LRP12: variants seen among roughly 807,000 people sequenced by gnomAD.
LRP12 encodes LDL receptor related protein 12.
A neutral mutation model predicts 66.0 loss-of-function variants in LRP12; 14 were observed. The observed-to-expected ratio is 0.21, with a 90% CI of 0.14 to 0.33. LRP12 has a LOEUF of 0.33. Among genes scored for constraint, LRP12 ranks in the 10% least tolerant of loss-of-function variants. The pLI, the probability that LRP12 is intolerant of heterozygous loss-of-function variation, is 1.00. For synonymous variants in LRP12, 357 were observed against 359.1 expected (o/e 0.99, Z 0.07); for missense variants, 889 against 1,053.4 (o/e 0.84, Z 2.16).
chr8:104,522,822 A>G (rs1811172147), intron 2 of LRP12, among the ~76,000 whole-genome samples: 1 of 152,138 alleles, frequency 6.6e-6, no homozygotes, highest in African/African-American at 2.4e-5. Flanking sequence ...ACTCCAGGCC[A>G]TGAATCAAGA....
intron 1 of LRP12, among the ~76,000 whole-genome samples, chr8:104,560,198 T>C (rs556616840): frequency 6.6e-6 from 1 of 152,234 alleles, no homozygotes; most frequent in African/African-American, 2.4e-5. Context: ...GAGTAACTGA[T>C]ATTCCCCCTT....
rs1185648348 is a variant in LRP12, at chr8:104,500,517, C to A, written c.273-998G>T. On this transcript the variant is annotated intron_variant, in intron 3 of 6. Coordinates refer to ENST00000276654, the MANE Select transcript of LRP12 (RefSeq NM_013437.5). ...AGTCAGGAGTTTGAGACCAGCCTGG[C>A]CATGATGAAACCCCGTCTCTACTAA... Among the ~76,000 whole-genome samples the A allele has an allele frequency of 2.0e-5, 3 of 152,024 alleles. No individual in the cohort carries two copies. The East Asian group carries it at 5.8e-4, about 29-fold the overall frequency.
At chr8:104,528,129 A>G (rs2140859674) in intron 2 of LRP12, among the ~76,000 whole-genome samples, 1 of 152,328 alleles carries the variant, frequency 6.6e-6, no homozygotes, top group East Asian at 1.9e-4. Flanking sequence ...AAATTACCTG[A>G]TAACACTAGG....
chr8:104,573,746 A>C (rs947927318), intron 1 of LRP12, among the ~76,000 whole-genome samples: 9 of 151,878 alleles, frequency 5.9e-5, no homozygotes, highest in Non-Finnish European at 1.5e-5. Flanking sequence ...CACTGAACTC[A>C]ACAAAAAAAA....
chr8:104,543,479 G>C (rs559372387), intron 1 of LRP12, among the ~76,000 whole-genome samples: 2 of 152,258 alleles, frequency 1.3e-5, no homozygotes, highest in Admixed American at 1.3e-4. Context: ...TGTTCTGATT[G>C]TTCCATCAAC....
chr8:104,533,219 GCA>G (rs981228797), intron 1 of LRP12, among the ~76,000 whole-genome samples: 4 of 151,938 alleles, frequency 2.6e-5, no homozygotes, highest in African/African-American at 9.7e-5. Flanking sequence ...GCCAAAAAAG[GCA>G]CAATTTCTTT....
At chr8:104,581,970 C>A (rs1440930185) in intron 1 of LRP12, among the ~76,000 whole-genome samples, 3 of 152,088 alleles carry the variant, frequency 2.0e-5, no homozygotes, top group Admixed American at 6.5e-5. Flanking sequence ...CAAAATATAT[C>A]AGATACAAAG....
intron 1 of LRP12, among the ~76,000 whole-genome samples, chr8:104,554,819 GTCATCAGGTTA>G (rs1811780744): frequency 6.6e-6 from 1 of 152,116 alleles, no homozygotes; most frequent in Non-Finnish European, 1.5e-5. Flanking sequence ...TAGGCACACA[GTCATCAGGTTA>G]TCTAAAGTCA....
chr8:104,520,501 T>C (rs910339568), intron 2 of LRP12, among the ~76,000 whole-genome samples: 1 of 152,072 alleles, frequency 6.6e-6, no homozygotes, highest in African/African-American at 2.4e-5. Flanking sequence ...AGGTCATCTC[T>C]ATCAGCTTTG....
intron 1 of LRP12, among the ~76,000 whole-genome samples, chr8:104,558,466 C>T (rs1344369885): frequency 6.6e-6 from 1 of 152,102 alleles, no homozygotes; most frequent in African/African-American, 2.4e-5. Flanking sequence ...CAACATGGAT[C>T]AAGGACTTAA....
chr8:104,496,465 T>A (rs913157439), intron 5 of LRP12, among the ~76,000 whole-genome samples: 2 of 152,178 alleles, frequency 1.3e-5, no homozygotes, highest in African/African-American at 4.8e-5. Context: ...TCTCCCTCAT[T>A]AGATTACGTA....
intron 1 of LRP12, among the ~76,000 whole-genome samples, chr8:104,549,682 G>GT (rs1588502080): frequency 6.6e-6 from 1 of 152,246 alleles, no homozygotes; most frequent in East Asian, 1.9e-4. Context: ...GATTACAGGC[G>GT]TGAGCCCCCG....
intron 1 of LRP12, among the ~76,000 whole-genome samples, chr8:104,582,821 T>C (rs193161474): frequency 2.6e-5 from 4 of 152,302 alleles, no homozygotes; most frequent in Admixed American, 2.6e-4. Context: ...ACCATTCTAC[T>C]GAATTGAGGG....
intron 1 of LRP12, among the ~76,000 whole-genome samples, chr8:104,584,618 A>G (rs1294138255): frequency 6.6e-6 from 1 of 151,674 alleles, no homozygotes; most frequent in African/African-American, 2.4e-5. Flanking sequence ...TCCATACTCT[A>G]TCTAGAATAC....
chr8:104,523,942 ACTT>A (rs1811188898), intron 2 of LRP12, among the ~76,000 whole-genome samples: 2 of 152,092 alleles, frequency 1.3e-5, no homozygotes. Flanking sequence ...TCTCTAGCTA[ACTT>A]TAAGAATACA....
chr8:104,524,367 G>A (rs1486615525), intron 2 of LRP12, among the ~76,000 whole-genome samples: 1 of 151,986 alleles, frequency 6.6e-6, no homozygotes, highest in African/African-American at 2.4e-5. Flanking sequence ...TAAACTTTTG[G>A]AGAATCAACA....
chr8:104,507,742 A>C (rs768811482), intron 3 of LRP12: 1 of 152,150 alleles, frequency 6.6e-6, no homozygotes, highest in Non-Finnish European at 1.5e-5. Context: ...GGAGGAGGAG[A>C]ACAACAGCTT....
intron 1 of LRP12, among the ~76,000 whole-genome samples, chr8:104,586,496 A>AAC (rs749121710): frequency 6.6e-6 from 1 of 152,180 alleles, no homozygotes; most frequent in South Asian, 2.1e-4. Flanking sequence ...AGCCTTTTAA[A>AAC]ACACACACAC....
chr8:104,521,262 T>C (rs143581054), intron 2 of LRP12, among the ~76,000 whole-genome samples: 45 of 152,054 alleles, frequency 3.0e-4, no homozygotes, highest in African/African-American at 1.0e-3. Context: ...TCAAAATGTT[T>C]TGGATTTTGG....
Sources: allele counts gnomAD v4.1 joint callset (sites outside exome capture counted in the v4.1 genomes callset), GRCh38; gene constraint gnomAD v4.1.1; transcripts MANE v1.5; gene names NCBI Gene and HGNC (gene_info 2026-07-23, HGNC 2026-07-21).